The following FRMD4A variants were observed in gnomAD, a reference collection of about 807,000 sequenced individuals.
FRMD4A encodes the protein FERM domain-containing protein 4A.
A neutral mutation model predicts 129.1 loss-of-function variants in FRMD4A; 29 were observed. That is an observed-to-expected ratio of 0.22 (90% CI 0.17 to 0.31). The LOEUF (loss-of-function observed/expected upper bound fraction) is 0.31, where lower values mean the gene tolerates loss of function less well. Among genes scored for constraint, FRMD4A ranks in the 10% least tolerant of loss-of-function variants. The probability of loss-of-function intolerance (pLI) is 1.00; values close to 1 mark genes in which losing one functional copy is unlikely to be tolerated. For synonymous variants in FRMD4A, 634 were observed against 571.6 expected (o/e 1.11, Z -1.56); for missense variants, 1,272 against 1,375.8 (o/e 0.92, Z 1.19).
chr10:14,052,522 A>T (rs1311386871), intron 2 of FRMD4A, among the ~76,000 whole-genome samples: 1 of 152,112 alleles, frequency 6.6e-6, no homozygotes, highest in Non-Finnish European at 1.5e-5. Flanking sequence ...ACATGGCAAG[A>T]GAGGAAGCAA....
intron 2 of FRMD4A, among the ~76,000 whole-genome samples, chr10:14,166,666 A>T (rs1841194787): frequency 6.6e-6 from 1 of 152,206 alleles, no homozygotes; most frequent in Non-Finnish European, 1.5e-5. Context: ...CAGTCAGTCA[A>T]TGCTGGTTAT....
chr10:14,237,593 A>G (rs1843873078), intron 2 of FRMD4A, among the ~76,000 whole-genome samples: 1 of 152,182 alleles, frequency 6.6e-6, no homozygotes, highest in Non-Finnish European at 1.5e-5. Flanking sequence ...GGACTCCAAA[A>G]GTGCTCGGAT....
At chr10:13,701,517 G>A (rs1541004) in intron 13 of FRMD4A, 39 bp from the exon 14 acceptor site, 386,317 of 1,587,094 alleles carry the variant, frequency 0.24, 48,541 homozygotes, top group African/African-American at 0.27. Flanking sequence ...TCCCATTTCT[G>A]TTGAGAGAAA....
chr10:13,972,824 A>G (rs1370722900), intron 2 of FRMD4A, among the ~76,000 whole-genome samples: 1 of 152,220 alleles, frequency 6.6e-6, no homozygotes, highest in Non-Finnish European at 1.5e-5. Context: ...TAAGACAAAG[A>G]GCATGTTTAA....
Position 14,205,739 on chromosome 10 carries a change from G to A in FRMD4A, c.45+124319C>T, listed in dbSNP as rs777867308. ...GGAGAATCACTTGAAGCTGCGAGGT[G>A]GAGACTGCAGAGAGGTGAGAATGCA... On this transcript the variant is annotated intron_variant, in intron 2 of 24. Coordinates refer to ENST00000357447, the MANE Select transcript of FRMD4A (RefSeq NM_018027.5). 2.7e-5 allele frequency among the ~76,000 whole-genome samples: 4 copies of A among 149,724 alleles called. No homozygotes were observed. In the South Asian group the frequency reaches 8.5e-4, roughly 32 times the overall value.
At chr10:14,243,830 TTA>T (rs1491233137) in intron 2 of FRMD4A, among the ~76,000 whole-genome samples, 27 of 142,724 alleles carry the variant, frequency 1.9e-4, no homozygotes, top group African/African-American at 6.2e-4. Context: ...ATTACCACAA[TTA>T]AAAAAAAAAA....
chr10:13,818,436 C>T (rs1349833484), intron 3 of FRMD4A, among the ~76,000 whole-genome samples: 3 of 152,176 alleles, frequency 2.0e-5, no homozygotes, highest in Non-Finnish European at 4.4e-5. Flanking sequence ...TCCCAAAGTG[C>T]TGGGATGACA....
At chr10:14,089,645 A>C (rs1239028755) in intron 2 of FRMD4A, among the ~76,000 whole-genome samples, 8 of 133,738 alleles carry the variant, frequency 6.0e-5, no homozygotes, top group South Asian at 5.0e-4. Flanking sequence ...AAAAACAAAC[A>C]AAAAAAAAAC....
At chr10:13,904,269 C>T (rs1171354316) in intron 2 of FRMD4A, among the ~76,000 whole-genome samples, 1 of 152,214 alleles carries the variant, frequency 6.6e-6, no homozygotes, top group Non-Finnish European at 1.5e-5. Context: ...TCCTACAGGC[C>T]CCTGTGCTTC....
chr10:14,317,376 CTACCACT>C (rs1401319770), intron 2 of FRMD4A, among the ~76,000 whole-genome samples: 2 of 152,190 alleles, frequency 1.3e-5, no homozygotes, highest in African/African-American at 4.8e-5. Context: ...CTACTGTCCA[CTACCACT>C]TACCTCACCC....
chr10:14,172,210 T>C (rs1364319011), intron 2 of FRMD4A, among the ~76,000 whole-genome samples: 2 of 152,196 alleles, frequency 1.3e-5, no homozygotes, highest in Non-Finnish European at 2.9e-5. Context: ...CACATACACA[T>C]ACACAAATCC....
chr10:14,216,673 A>G (rs141579931), intron 2 of FRMD4A, among the ~76,000 whole-genome samples: 141 of 151,990 alleles, frequency 9.3e-4, no homozygotes, highest in African/African-American at 3.3e-3. Flanking sequence ...CTTCTCCTTG[A>G]TTTTCAGATT....
At chr10:13,874,525 G>A (rs987319400) in intron 2 of FRMD4A, among the ~76,000 whole-genome samples, 1 of 151,962 alleles carries the variant, frequency 6.6e-6, no homozygotes, top group African/African-American at 2.4e-5. Context: ...ACTCCACAAG[G>A]CCCCATAAGC....
chr10:13,923,881 C>T (rs1291437773), intron 2 of FRMD4A, among the ~76,000 whole-genome samples: 1 of 152,160 alleles, frequency 6.6e-6, no homozygotes, highest in Non-Finnish European at 1.5e-5. Flanking sequence ...ACCCTGTTTT[C>T]AAGGTTGGCA....
chr10:13,942,079 C>A (rs189793489), intron 2 of FRMD4A, among the ~76,000 whole-genome samples: 9 of 152,230 alleles, frequency 5.9e-5, no homozygotes, highest in Non-Finnish European at 1.0e-4. Flanking sequence ...GCGCCCTGTT[C>A]CAGGCCCTTA....
rs66980805 is a variant in FRMD4A at position 13,925,566 on chromosome 10, C to CTTTTTTTTTTTTTTTTTTTTTTTTTTT, written c.46-66681_46-66655dup. Reference sequence around the variant, plus strand: ...TGAAAGTTTCTATTGTAGTGAAACGCTTTTTTTTTTTTTTTTTTTTTTTTT... The same window carrying CTTTTTTTTTTTTTTTTTTTTTTTTTTT: ...TGAAAGTTTCTATTGTAGTGAAACGCTTTTTTTTTTTTTTTTTTTTTTTTTTTTTTTTTTTTTTTTTTTTTTTTTTTT... On this transcript the variant is annotated intron_variant, in intron 2 of 24. Coordinates refer to ENST00000357447, the MANE Select transcript of FRMD4A (RefSeq NM_018027.5). Among the ~76,000 whole-genome samples, 3 of 61,948 alleles carry CTTTTTTTTTTTTTTTTTTTTTTTTTTT rather than the reference C, an allele frequency of 4.8e-5. 1 individual carries two copies. Among genetic ancestry groups the CTTTTTTTTTTTTTTTTTTTTTTTTTTT allele is most frequent in the African/African-American group, 1.4e-4 (2 of 14,008 alleles). 40.6% of individuals were successfully genotyped at this position (61,948 alleles called of 152,430 possible).
intron 2 of FRMD4A, among the ~76,000 whole-genome samples, chr10:14,168,340 A>G (rs545550448): frequency 5.3e-4 from 81 of 152,304 alleles, no homozygotes; most frequent in Non-Finnish European, 9.6e-4. Flanking sequence ...GGAAGAAAGA[A>G]AAGTTGTTAT....
chr10:13,909,176 G>A (rs2094913745), intron 2 of FRMD4A, among the ~76,000 whole-genome samples: 1 of 152,150 alleles, frequency 6.6e-6, no homozygotes, highest in Admixed American at 6.5e-5. Context: ...TTTGTCTTCT[G>A]CTATGTGAGA....
intron 2 of FRMD4A, among the ~76,000 whole-genome samples, chr10:14,221,810 C>G (rs1843271184): frequency 6.6e-6 from 1 of 152,130 alleles, no homozygotes; most frequent in Non-Finnish European, 1.5e-5. Flanking sequence ...CTGCCTCACC[C>G]TCCCAAAGTG....
Sources: gnomAD v4.1 joint callset for allele counts (sites outside exome capture counted in the v4.1 genomes callset) on GRCh38, gnomAD v4.1.1 for gene constraint, MANE v1.5 for transcripts, NCBI Gene and HGNC (gene_info 2026-07-23, HGNC 2026-07-21) for gene names.